The following ZNF254 variants were observed in gnomAD, a reference collection of about 807,000 sequenced individuals.
ZNF254 encodes zinc finger protein 254.
Under a neutral mutation model 12.4 loss-of-function variants are expected in ZNF254, and 10 were observed. The observed-to-expected ratio is 0.80, with a 90% CI of 0.50 to 1.36. ZNF254 has a LOEUF of 1.36. Among genes scored for constraint, ZNF254 ranks in the 40% most tolerant of loss-of-function variants. ZNF254 has a pLI of 0.00. For missense variants in ZNF254, 996 were observed against 763.9 expected, an observed-to-expected ratio of 1.30 and a Z score of -3.58; for synonymous variants, 305 against 253.4, an observed-to-expected ratio of 1.20 and a Z score of -1.93.
At chr19:24,070,386 C>T (rs1338389152) in intron 2 of ZNF254, among the ~76,000 whole-genome samples, 2 of 152,188 alleles carry the variant, frequency 1.3e-5, no homozygotes, top group Admixed American at 1.3e-4. Context: ...ACACAACCTA[C>T]TTCTGAAGTT....
At chr19:24,113,382 C>G (rs1973825707) in intron 3 of ZNF254, among the ~76,000 whole-genome samples, 1 of 151,956 alleles carries the variant, frequency 6.6e-6, no homozygotes, top group Non-Finnish European at 1.5e-5. Context: ...TCAATATATG[C>G]CAATTAATCA....
At chr19:24,117,696 C>T (rs572113878) in intron 3 of ZNF254, among the ~76,000 whole-genome samples, 3 of 152,088 alleles carry the variant, frequency 2.0e-5, no homozygotes, top group Admixed American at 6.5e-5. Flanking sequence ...GCTTTGCTGC[C>T]CCCACTGTCC....
intron 2 of ZNF254, among the ~76,000 whole-genome samples, chr19:24,072,227 A>G (rs1254447116): frequency 1.3e-5 from 2 of 150,322 alleles, no homozygotes; most frequent in African/African-American, 2.5e-5. Flanking sequence ...GCTGGAGTGC[A>G]GTGGCATGAT....
intron 3 of ZNF254, chr19:24,107,277 C>CTT: frequency 4.8e-6 from 3 of 622,288 alleles, no homozygotes; most frequent in Non-Finnish European, 8.5e-6. Flanking sequence ...TTCTTTAAAT[C>CTT]TACAGGTCAC....
At chr19:24,117,941 T>G (rs1278042263) in intron 3 of ZNF254, among the ~76,000 whole-genome samples, 1 of 152,068 alleles carries the variant, frequency 6.6e-6, no homozygotes, top group Non-Finnish European at 1.5e-5. Flanking sequence ...TAAATGTAAT[T>G]GCTGTATTTG....
At chr19:24,118,967 C>T (rs1974294556) in intron 3 of ZNF254, among the ~76,000 whole-genome samples, 1 of 151,712 alleles carries the variant, frequency 6.6e-6, no homozygotes. Flanking sequence ...AAAAATTAGC[C>T]AGGCGTGGTG....
In ZNF254 at chr19:24,127,414, A is replaced by C. The variant is rs769603554; in HGVS notation, c.1414A>C (p.Ile472Leu). 3.1e-6 allele frequency: 5 copies of C among 1,612,384 alleles called. No individual in the cohort carries two copies. Among genetic ancestry groups the C allele is most frequent in the Admixed American group, 3.3e-5 (2 of 59,916 alleles). Residue 472 changes from isoleucine to leucine, a missense_variant, in exon 4 of 4, where the codon ATA becomes CTA. Transcript: ENST00000357002. ...ATGTGAAGAATGTGGCAAGGCATTT[A>C]TATGGTCCTCAACCCTAACTAGACA... ...YKCEECGKAF[I>L]WSSTLTRHKR...
intron 2 of ZNF254, chr19:24,066,588 CTG>C (rs1472430201): frequency 2.0e-5 from 3 of 152,164 alleles, no homozygotes; most frequent in Non-Finnish European, 4.4e-5. Context: ...TGGCTCATGT[CTG>C]TAATCCCAGC....
chr19:24,115,460 G>T (rs1021241942), intron 3 of ZNF254, among the ~76,000 whole-genome samples: 12 of 151,386 alleles, frequency 7.9e-5, no homozygotes, highest in South Asian at 2.1e-4. Context: ...CCACTCATGG[G>T]GGGAATTGAA....
At chr19:24,070,255 C>A (rs1285644267) in intron 2 of ZNF254, among the ~76,000 whole-genome samples, 2 of 152,234 alleles carry the variant, frequency 1.3e-5, no homozygotes, top group South Asian at 2.1e-4. Flanking sequence ...GACTCACATG[C>A]ATATTGCATA....
rs183619855 is a variant in ZNF254, at chr19:24,081,543, C to T, written c.-93-24397C>T. Among the ~76,000 whole-genome samples the T allele has an allele frequency of 9.2e-5, 14 of 152,284 alleles. No homozygotes were observed. The East Asian group carries it at 1.2e-3, about 13-fold the overall frequency. On this transcript the variant is annotated intron_variant, in intron 2 of 4. Transcript: ENST00000613065. ...GGAATAAATTCCCTGTTTAATATCTCGGCTTTTTATAGAAAAATAATTACT... is the reference window on the plus strand; with the variant it reads ...GGAATAAATTCCCTGTTTAATATCTTGGCTTTTTATAGAAAAATAATTACT...
intron 3 of ZNF254, among the ~76,000 whole-genome samples, chr19:24,110,071 G>A (rs1213158414): frequency 6.6e-6 from 1 of 151,892 alleles, no homozygotes; most frequent in Non-Finnish European, 1.5e-5. Flanking sequence ...GTCTAAGTGA[G>A]TAGCCTTGGA....
chr19:24,048,741 C>A (rs62113755), intron 2 of ZNF254, among the ~76,000 whole-genome samples: 24,113 of 151,604 alleles, frequency 0.16, 2,082 homozygotes, highest in Middle Eastern at 0.23. Context: ...CTGTACACTG[C>A]AGTTGCTGTT....
chr19:24,122,415 G>A (rs754413771), intron 3 of ZNF254, among the ~76,000 whole-genome samples: 8 of 151,870 alleles, frequency 5.3e-5, no homozygotes, highest in East Asian at 1.9e-4. Context: ...ATTAGAGATG[G>A]GGTTTCACCA....
At chr19:24,053,769 T>C (rs1344352449) in intron 2 of ZNF254, among the ~76,000 whole-genome samples, 1 of 147,138 alleles carries the variant, frequency 6.8e-6, no homozygotes, top group Non-Finnish European at 1.5e-5. Flanking sequence ...TTATAACATA[T>C]CTTTTTATTC....
At chr19:24,061,453 ACCCTC>A (rs545649964) in intron 2 of ZNF254, among the ~76,000 whole-genome samples, 2,501 of 152,236 alleles carry the variant, frequency 0.016, 33 homozygotes, top group Non-Finnish European at 0.028. Flanking sequence ...TTCTACCTGC[ACCCTC>A]CCCACAGGAA....
At chr19:24,093,313 A>G (rs78393811) in intron 1 of ZNF254, among the ~76,000 whole-genome samples, 1 of 151,980 alleles carries the variant, frequency 6.6e-6, no homozygotes, top group Admixed American at 6.6e-5. Flanking sequence ...CAATTTGTCA[A>G]TTTTTGGTTT....
At chr19:24,050,276 C>T (rs1277363277) in intron 2 of ZNF254, among the ~76,000 whole-genome samples, 5 of 152,182 alleles carry the variant, frequency 3.3e-5, no homozygotes, top group Admixed American at 1.3e-4. Flanking sequence ...TCTCCTGCCT[C>T]AGCCTCCTGA....
intron 1 of ZNF254, among the ~76,000 whole-genome samples, chr19:24,042,544 C>G (rs564699771): frequency 6.6e-6 from 1 of 152,154 alleles, no homozygotes; most frequent in African/African-American, 2.4e-5. Flanking sequence ...AGCGACACCA[C>G]GAGCCCACCA....
Sources: gnomAD v4.1 joint callset for allele counts (sites outside exome capture counted in the v4.1 genomes callset) on GRCh38, gnomAD v4.1.1 for gene constraint, MANE v1.5 for transcripts, NCBI Gene and HGNC (gene_info 2026-07-23, HGNC 2026-07-21) for gene names.